The following EML6 variants were observed in gnomAD, a reference collection of about 807,000 sequenced individuals.
EML6 encodes the protein EMAP like 6.
Under a neutral mutation model 240.1 loss-of-function variants are expected in EML6, and 154 were observed. The observed-to-expected ratio is 0.64, with a 90% CI of 0.56 to 0.73. The LOEUF (loss-of-function observed/expected upper bound fraction) is 0.73. Ranked by LOEUF, EML6 falls within the 30% of genes least tolerant of loss-of-function variation. The probability of loss-of-function intolerance (pLI) is 0.00; values close to 1 mark genes in which losing one functional copy is unlikely to be tolerated. For synonymous variants in EML6, 1,148 were observed against 899.0 expected (o/e 1.28, Z -4.95); for missense variants, 2,964 against 2,474.6 (o/e 1.20, Z -4.20).
intron 21 of EML6, among the ~76,000 whole-genome samples, chr2:54,897,516 G>A (rs1457043666): frequency 1.3e-5 from 2 of 152,134 alleles, no homozygotes; most frequent in Admixed American, 6.5e-5. Context: ...TGCAGAGCTG[G>A]GATTCCAACC....
chr2:54,882,180 G>A (rs1272747644), intron 17 of EML6: 1 of 151,908 alleles, frequency 6.6e-6, no homozygotes, highest in African/African-American at 2.4e-5. Context: ...TCTGTGAGAC[G>A]ATCCGATCTG....
At chr2:54,941,855 T>G (rs1675445786) in intron 28 of EML6, among the ~76,000 whole-genome samples, 1 of 152,220 alleles carries the variant, frequency 6.6e-6, no homozygotes, top group Non-Finnish European at 1.5e-5. Context: ...TCTGCAAGAG[T>G]TCTGCCCGCA....
intron 2 of EML6, among the ~76,000 whole-genome samples, chr2:54,802,514 C>G (rs1670208089): frequency 6.6e-6 from 1 of 151,900 alleles, no homozygotes; most frequent in Non-Finnish European, 1.5e-5. Flanking sequence ...ATGGTCCCAG[C>G]TACTCGAGAG....
At chr2:54,832,259 C>G (rs1159900861) in intron 7 of EML6, among the ~76,000 whole-genome samples, 1 of 152,238 alleles carries the variant, frequency 6.6e-6, no homozygotes, top group Non-Finnish European at 1.5e-5. Context: ...TGGACAGGGT[C>G]ATGTGGGGAA....
intron 7 of EML6, among the ~76,000 whole-genome samples, chr2:54,841,586 C>CTTTT (rs3038252): frequency 0.2 from 24,113 of 118,518 alleles, 3,101 homozygotes; most frequent in East Asian, 0.29. Context: ...TTTGTCTTGG[C>CTTTT]TTTTTTTTTT....
intron 28 of EML6, among the ~76,000 whole-genome samples, chr2:54,946,165 C>T (rs1675685702): frequency 2.0e-5 from 3 of 152,190 alleles, no homozygotes; most frequent in Admixed American, 2.0e-4. Context: ...AAATTTCTTG[C>T]CAATGGAAGC....
At chr2:54,780,398 G>A (rs1572888100) in intron 2 of EML6, among the ~76,000 whole-genome samples, 2 of 152,200 alleles carry the variant, frequency 1.3e-5, no homozygotes, top group East Asian at 3.8e-4. Flanking sequence ...GACTTGCATA[G>A]ATAGATAGTT....
chr2:54,806,335 G>A (rs116602644), intron 2 of EML6, among the ~76,000 whole-genome samples: 2 of 151,980 alleles, frequency 1.3e-5, no homozygotes, highest in Admixed American at 6.6e-5. Context: ...GTTCCTGGCC[G>A]GGCGCGGTGG....
At chr2:54,953,457 A>AGT (rs1401917573) in intron 31 of EML6, among the ~76,000 whole-genome samples, 6 of 152,144 alleles carry the variant, frequency 3.9e-5, no homozygotes, top group African/African-American at 1.4e-4. Context: ...ATCCTCTGCA[A>AGT]GTGTGTGTGT....
intron 29 of EML6, 109 bp from the exon 30 acceptor site, chr2:54,950,541 A>C: frequency 7.9e-5 from 99 of 1,249,964 alleles, no homozygotes; most frequent in Non-Finnish European, 1.0e-4. Context: ...TGGCGTCACC[A>C]GCCATACCGT....
intron 4 of EML6, among the ~76,000 whole-genome samples, chr2:54,817,705 G>T (rs141998685): frequency 6.6e-6 from 1 of 152,006 alleles, no homozygotes; most frequent in African/African-American, 2.4e-5. Flanking sequence ...GTGTTGGGCC[G>T]CATTCACAGC....
At chr2:54,739,008 C>G (rs2103636644) in intron 2 of EML6, among the ~76,000 whole-genome samples, 1 of 152,230 alleles carries the variant, frequency 6.6e-6, no homozygotes, top group South Asian at 2.1e-4. Context: ...TTTGGGAGGC[C>G]AAGGTGGGCA....
intron 2 of EML6, among the ~76,000 whole-genome samples, chr2:54,812,531 T>C (rs1294617717): frequency 6.6e-6 from 1 of 152,164 alleles, no homozygotes; most frequent in East Asian, 1.9e-4. Flanking sequence ...GGGTGATTTT[T>C]TTTTTTTAAT....
At chr2:54,831,344 G>A (rs1482564527) in intron 7 of EML6, among the ~76,000 whole-genome samples, 7 of 152,272 alleles carry the variant, frequency 4.6e-5, no homozygotes, top group Admixed American at 3.9e-4. Context: ...AGAAGCCATT[G>A]GTTTACGCTG....
intron 2 of EML6, among the ~76,000 whole-genome samples, chr2:54,788,695 T>C (rs1178213996): frequency 6.6e-6 from 1 of 152,244 alleles, no homozygotes; most frequent in Non-Finnish European, 1.5e-5. Flanking sequence ...AGTCATTTTA[T>C]TGGAAATTCC....
intron 2 of EML6, among the ~76,000 whole-genome samples, chr2:54,789,462 C>A (rs1669288412): frequency 8.1e-6 from 1 of 123,678 alleles, no homozygotes; most frequent in Non-Finnish European, 1.6e-5. Flanking sequence ...TGCAGTGAGC[C>A]GAGATTACGC....
At chr2:54,882,214 A>G (rs1047271207) in intron 17 of EML6, 10 of 151,816 alleles carry the variant, frequency 6.6e-5, no homozygotes, top group East Asian at 1.9e-4. Flanking sequence ...CCCGCATGCA[A>G]TCTTTGCTAA....
chr2:54,781,312 C>T (rs1668846171), intron 2 of EML6, among the ~76,000 whole-genome samples: 1 of 152,108 alleles, frequency 6.6e-6, no homozygotes, highest in Non-Finnish European at 1.5e-5. Flanking sequence ...CTTGTCGAGA[C>T]CCTTCTGTGG....
At chr2:54,969,455 C>A (rs1160471953) in intron 41 of EML6, among the ~76,000 whole-genome samples, 1 of 152,162 alleles carries the variant, frequency 6.6e-6, no homozygotes, top group African/African-American at 2.4e-5. Flanking sequence ...CCTGGGAGCC[C>A]CCATCTCCAG....
Sources: allele counts gnomAD v4.1 joint callset (sites outside exome capture counted in the v4.1 genomes callset), GRCh38; gene constraint gnomAD v4.1.1; transcripts MANE v1.5; gene names NCBI Gene and HGNC (gene_info 2026-07-23, HGNC 2026-07-21).